The following LRRC4C variants were observed in gnomAD, a reference collection of about 807,000 sequenced individuals.
LRRC4C encodes the protein leucine-rich repeat-containing protein 4C.
A neutral mutation model predicts 33.6 loss-of-function variants in LRRC4C; 5 were observed. That is an observed-to-expected ratio of 0.15 (90% CI 0.08 to 0.31). The LOEUF (loss-of-function observed/expected upper bound fraction) is 0.31. LRRC4C is among the 10% of genes least tolerant of loss of function. LRRC4C has a pLI of 1.00. For synonymous variants in LRRC4C, 329 were observed against 302.0 expected, an observed-to-expected ratio of 1.09 and a Z score of -0.93; for missense variants, 560 against 796.7, an observed-to-expected ratio of 0.70 and a Z score of 3.58.
chr11:41,331,424 G>A (rs1951289691), intron 1 of LRRC4C, among the ~76,000 whole-genome samples: 1 of 152,094 alleles, frequency 6.6e-6, no homozygotes, highest in South Asian at 2.1e-4. Context: ...AATACATGTA[G>A]ATTTCATAGT....
intron 1 of LRRC4C, among the ~76,000 whole-genome samples, chr11:41,034,777 A>G (rs1369955021): frequency 5.4e-5 from 8 of 149,494 alleles, no homozygotes; most frequent in African/African-American, 2.0e-4. Context: ...GCCACATCAT[A>G]GTTTTTGTTC....
chr11:41,193,620 C>T (rs533268091), intron 1 of LRRC4C, among the ~76,000 whole-genome samples: 21 of 152,180 alleles, frequency 1.4e-4, no homozygotes, highest in East Asian at 7.7e-4. Context: ...TATCAAGACA[C>T]GGATCTTGAT....
intron 1 of LRRC4C, among the ~76,000 whole-genome samples, chr11:41,148,163 G>A (rs1340563884): frequency 2.6e-5 from 4 of 152,080 alleles, no homozygotes; most frequent in Middle Eastern, 3.4e-3. Flanking sequence ...CTACAGGTGC[G>A]TGCCACCATG....
chr11:41,065,768 G>A (rs189463221), intron 1 of LRRC4C, among the ~76,000 whole-genome samples: 16 of 152,258 alleles, frequency 1.1e-4, no homozygotes, highest in South Asian at 4.1e-4. Context: ...ATACCCAGGC[G>A]AACAGGGTCT....
chr11:40,405,298 C>A (rs996137986), intron 3 of LRRC4C, among the ~76,000 whole-genome samples: 4 of 151,940 alleles, frequency 2.6e-5, no homozygotes, highest in African/African-American at 9.7e-5. Context: ...TTCGGCCACC[C>A]AGCTAGAGAT....
At chr11:40,195,447 G>C (rs1264106487) in intron 5 of LRRC4C, among the ~76,000 whole-genome samples, 1 of 152,140 alleles carries the variant, frequency 6.6e-6, no homozygotes, top group Non-Finnish European at 1.5e-5. Flanking sequence ...AGATTGGGGT[G>C]AGAGAAAAGA....
chr11:40,431,485 T>C (rs1440213617), intron 3 of LRRC4C, among the ~76,000 whole-genome samples: 1 of 152,122 alleles, frequency 6.6e-6, no homozygotes, highest in Admixed American at 6.5e-5. Context: ...CCTCTCATAA[T>C]GCTTAGTATA....
intron 3 of LRRC4C, among the ~76,000 whole-genome samples, chr11:40,414,195 TC>T (rs1175341194): frequency 6.6e-6 from 1 of 152,138 alleles, no homozygotes; most frequent in Non-Finnish European, 1.5e-5. Flanking sequence ...CTGGATGGCT[TC>T]CTTTAAAATC....
chr11:41,372,340 C>T (rs1406174617), intron 1 of LRRC4C, among the ~76,000 whole-genome samples: 2 of 152,152 alleles, frequency 1.3e-5, no homozygotes, highest in Admixed American at 6.5e-5. Flanking sequence ...ATTTATTCCT[C>T]AATACAGCCT....
intron 3 of LRRC4C, among the ~76,000 whole-genome samples, chr11:40,474,861 C>T (rs1033058225): frequency 3.3e-5 from 5 of 150,742 alleles, no homozygotes; most frequent in Non-Finnish European, 7.4e-5. Flanking sequence ...TAGATAAATG[C>T]AAATCGTCAT....
chr11:40,337,524 T>C (rs1429956172), intron 3 of LRRC4C, among the ~76,000 whole-genome samples: 1 of 152,134 alleles, frequency 6.6e-6, no homozygotes. Flanking sequence ...AAACCATGTA[T>C]CATAAATACA....
intron 2 of LRRC4C, among the ~76,000 whole-genome samples, chr11:40,717,309 A>G (rs563480822): frequency 1.2e-4 from 18 of 150,932 alleles, no homozygotes; most frequent in African/African-American, 4.4e-4. Flanking sequence ...AGGCTCTAAG[A>G]TGTTAACAAT....
chr11:41,370,417 T>C (rs912541035), intron 1 of LRRC4C, among the ~76,000 whole-genome samples: 1 of 152,140 alleles, frequency 6.6e-6, no homozygotes, highest in Non-Finnish European at 1.5e-5. Flanking sequence ...CCATTTGTTG[T>C]GGGAGGGACC....
chr11:41,235,389 C>T (rs987740247), intron 1 of LRRC4C, among the ~76,000 whole-genome samples: 4 of 152,036 alleles, frequency 2.6e-5, no homozygotes, highest in African/African-American at 9.7e-5. Flanking sequence ...TCTAAGATAA[C>T]CCACTTCACC....
chr11:41,082,948 G>T (rs973576006), intron 1 of LRRC4C, among the ~76,000 whole-genome samples: 2 of 152,006 alleles, frequency 1.3e-5, no homozygotes, highest in African/African-American at 2.4e-5. Flanking sequence ...TGAGTGGTTT[G>T]GCTGATAAAT....
chr11:40,898,675 C>A (rs774885424), intron 2 of LRRC4C, among the ~76,000 whole-genome samples: 9 of 151,958 alleles, frequency 5.9e-5, no homozygotes, highest in African/African-American at 2.2e-4. Context: ...ATTAGGCAGA[C>A]CTTTGTGTTA....
In LRRC4C at chr11:41,079,411, G is replaced by A. The variant is rs140115830; in HGVS notation, c.-495-145688C>T. Reference sequence around the variant, plus strand: ...TGTAACAATTTTGAAGGATAGGCACGTTTGATATTTAATTGTAAATAGTGT... The same window carrying A: ...TGTAACAATTTTGAAGGATAGGCACATTTGATATTTAATTGTAAATAGTGT... On this transcript the variant is annotated intron_variant, in intron 1 of 6. Transcript: ENST00000528697. Among the ~76,000 whole-genome samples, 5 of 152,236 alleles carry A rather than the reference G, an allele frequency of 3.3e-5. No individual in the cohort carries two copies. In the East Asian group the frequency reaches 5.8e-4, roughly 18 times the overall value.
Position 40,559,773 on chromosome 11 carries a change from C to T in LRRC4C, c.-270+88369G>A, listed in dbSNP as rs1182333361. Among the ~76,000 whole-genome samples, 7 of 152,144 alleles carry T rather than the reference C, an allele frequency of 4.6e-5. No individual in the cohort carries two copies. The South Asian group carries it at 6.2e-4, about 14-fold the overall frequency. ...CTACCTCGTACCATTCTGACTGGTACGAGTGGTATCTCATTGAGGTTTTGG... is the reference window on the plus strand; with the variant it reads ...CTACCTCGTACCATTCTGACTGGTATGAGTGGTATCTCATTGAGGTTTTGG... On this transcript the variant is annotated intron_variant, in intron 3 of 6. Coordinates refer to ENST00000528697, the MANE Select transcript of LRRC4C (RefSeq NM_001258419.2).
chr11:40,541,497 C>A (rs1478586345), intron 3 of LRRC4C, among the ~76,000 whole-genome samples: 2 of 152,132 alleles, frequency 1.3e-5, no homozygotes, highest in African/African-American at 4.8e-5. Flanking sequence ...TCCAACTTGA[C>A]AAATTCAGAT....
Sources: allele counts gnomAD v4.1 joint callset (sites outside exome capture counted in the v4.1 genomes callset), GRCh38; gene constraint gnomAD v4.1.1; transcripts MANE v1.5; gene names NCBI Gene and HGNC (gene_info 2026-07-23, HGNC 2026-07-21).